NEMP2: variants seen among roughly 807,000 people sequenced by gnomAD.
NEMP2 encodes nuclear envelope integral membrane protein 2.
NEMP2 carries 53 observed loss-of-function variants against 54.2 expected under a neutral mutation model. The ratio of observed to expected loss-of-function variants is 0.98; its 90% confidence interval spans 0.78 to 1.23. The LOEUF (loss-of-function observed/expected upper bound fraction) is 1.23. NEMP2 is among the 50% of genes most tolerant of loss of function. The probability of loss-of-function intolerance (pLI) is 0.00; values close to 1 mark genes in which losing one functional copy is unlikely to be tolerated. For missense variants in NEMP2, 455 were observed against 511.3 expected (o/e 0.89, Z 1.06); for synonymous variants, 197 against 190.3 (o/e 1.04, Z -0.29).
chr2:190,542,098 G>T, the NEMP2 span, among the ~76,000 whole-genome samples: 4 of 152,118 alleles, frequency 2.6e-5, no homozygotes, highest in Admixed American at 6.5e-5. This position sits in a 1 kb window ranked among gnomAD's most constrained non-coding sequence, Gnocchi z 4.6. Context: ...TGACCTTCCT[G>T]TACCTGGATA....
the NEMP2 span, chr2:190,624,878 T>G: frequency 2.8e-4 from 43 of 152,278 alleles, no homozygotes; most frequent in African/African-American, 9.6e-4. Context: ...TATTAGTTAT[T>G]AGGGTAATGC....
In NEMP2 at chr2:190,522,981, C is replaced by T. The variant is rs1690802359; in HGVS notation, c.213+2282G>A. On this transcript the variant is annotated intron_variant, in intron 2 of 8. Coordinates refer to ENST00000409150, the MANE Select transcript of NEMP2 (RefSeq NM_001142645.2). This position sits in a 1 kb window ranked among gnomAD's most constrained non-coding sequence, Gnocchi z 5.0. ...TAAAACCAAGCTGTGCCCTGACCACCTTGGGCACATGTTCTCAGAATCTGA... is the reference window on the plus strand; with the variant it reads ...TAAAACCAAGCTGTGCCCTGACCACTTTGGGCACATGTTCTCAGAATCTGA... Among the ~76,000 whole-genome samples, 1 of 152,164 alleles carries T rather than the reference C, an allele frequency of 6.6e-6. No individual in the cohort carries two copies. Among genetic ancestry groups the T allele is most frequent in the Non-Finnish European group, 1.5e-5 (1 of 68,042 alleles).
chr2:190,488,559 C>A, the NEMP2 span: 1 of 1,134,474 alleles, frequency 8.8e-7, no homozygotes. This position sits in a 1 kb window ranked among gnomAD's most constrained non-coding sequence, Gnocchi z 6.4. Flanking sequence ...CACAACAAAT[C>A]TTAAAAATAG....
chr2:190,548,568 G>A, the NEMP2 span, among the ~76,000 whole-genome samples: 4 of 152,028 alleles, frequency 2.6e-5, no homozygotes, highest in African/African-American at 9.7e-5. Context: ...TCTACTTTTT[G>A]CTGTATATAG....
At chr2:190,518,006 G>A (rs1374999670) in intron 4 of NEMP2, among the ~76,000 whole-genome samples, 1 of 152,128 alleles carries the variant, frequency 6.6e-6, no homozygotes, top group Non-Finnish European at 1.5e-5. Context: ...TCAGAGTCCA[G>A]GCTTTATTCT....
At chr2:190,621,120 GTCA>G in the NEMP2 span, among the ~76,000 whole-genome samples, 1 of 152,172 alleles carries the variant, frequency 6.6e-6, no homozygotes, top group Non-Finnish European at 1.5e-5. Context: ...TCTACATATA[GTCA>G]TAAGTTGTTT....
the NEMP2 span, among the ~76,000 whole-genome samples, chr2:190,440,450 A>G: frequency 2.6e-5 from 4 of 152,254 alleles, no homozygotes; most frequent in Non-Finnish European, 5.9e-5. Context: ...ATCCAAAATC[A>G]TAAGACTTTG....
the NEMP2 span, among the ~76,000 whole-genome samples, chr2:190,624,273 G>A: frequency 1.3e-5 from 2 of 152,258 alleles, no homozygotes; most frequent in Admixed American, 1.3e-4. Flanking sequence ...TAATTAAAAT[G>A]GCTTTTATCA....
the NEMP2 span, among the ~76,000 whole-genome samples, chr2:190,576,298 C>T: frequency 3.9e-5 from 6 of 152,070 alleles, no homozygotes; most frequent in Admixed American, 2.6e-4. Context: ...TGTTTATTGC[C>T]GTGGAAAATC....
At chr2:190,448,384 C>T in the NEMP2 span, among the ~76,000 whole-genome samples, 2 of 152,128 alleles carry the variant, frequency 1.3e-5, no homozygotes, top group Non-Finnish European at 2.9e-5. Context: ...TTGTGGCTTT[C>T]TTACAGTGAA....
At chr2:190,430,987 A>G in the NEMP2 span, among the ~76,000 whole-genome samples, 2 of 143,044 alleles carry the variant, frequency 1.4e-5, no homozygotes, top group African/African-American at 5.3e-5. Flanking sequence ...CACTTCTCAG[A>G]TGGGGCAGCT....
chr2:190,536,536 G>A (rs1300826144), upstream of NEMP2, among the ~76,000 whole-genome samples: 1 of 152,148 alleles, frequency 6.6e-6, no homozygotes, highest in South Asian at 2.1e-4. Context: ...CCACATCTAA[G>A]GTTCAGGTGC....
At chr2:190,469,328 T>C in the NEMP2 span, among the ~76,000 whole-genome samples, 1 of 152,208 alleles carries the variant, frequency 6.6e-6, no homozygotes, top group Non-Finnish European at 1.5e-5. This position sits in a 1 kb window ranked among gnomAD's most constrained non-coding sequence, Gnocchi z 5.3. Flanking sequence ...CTCATTTTTA[T>C]CCTTCCTTCC....
chr2:190,575,570 C>T, the NEMP2 span, among the ~76,000 whole-genome samples: 1 of 152,170 alleles, frequency 6.6e-6, no homozygotes, highest in Non-Finnish European at 1.5e-5. Context: ...TTTGCTCTCA[C>T]ATACAACTCT....
chr2:190,443,312 C>CA, the NEMP2 span, among the ~76,000 whole-genome samples: 47 of 152,176 alleles, frequency 3.1e-4, no homozygotes. This position sits in a 1 kb window ranked among gnomAD's most constrained non-coding sequence, Gnocchi z 4.2. Context: ...GAACTTTTTG[C>CA]ATCTCTGTAT....
chr2:190,622,437 T>C, the NEMP2 span, among the ~76,000 whole-genome samples: 2 of 150,692 alleles, frequency 1.3e-5, no homozygotes, highest in Non-Finnish European at 3.0e-5. Flanking sequence ...AAAAAAAAAT[T>C]AAAGGCTAAG....
the NEMP2 span, among the ~76,000 whole-genome samples, chr2:190,585,635 T>C: frequency 6.6e-6 from 1 of 152,224 alleles, no homozygotes; most frequent in African/African-American, 2.4e-5. This position sits in a 1 kb window ranked among gnomAD's most constrained non-coding sequence, Gnocchi z 5.3. Flanking sequence ...GGCCTCACCA[T>C]AGAGGTCCTA....
At chr2:190,445,519 C>T in the NEMP2 span, among the ~76,000 whole-genome samples, 1 of 149,654 alleles carries the variant, frequency 6.7e-6, no homozygotes, top group African/African-American at 2.4e-5. Flanking sequence ...TCTGACTCTG[C>T]CAGCCTTTCT....
Position 190,514,421 on chromosome 2 carries a change from C to A in NEMP2, c.953+32G>T. The A allele has an allele frequency of 2.0e-6, 3 of 1,529,994 alleles. No individual in the cohort carries two copies. In the South Asian group the frequency reaches 3.6e-5, roughly 18 times the overall value. The allele number at this position is 1,529,994 out of a possible 1,614,324, so 94.8% of individuals were successfully genotyped here. A position where few individuals can be genotyped will look rare whatever the true frequency, so the allele number is the denominator to read the frequency against. On this transcript the variant is annotated intron_variant, in intron 7 of 8. Transcript: ENST00000409150. The surrounding 1 kb of genome is among the most constrained non-coding windows in gnomAD (Gnocchi z 5.7). Reference sequence around the variant, plus strand: ...ATAATAAAACTAGAGCTCAAAATGTCAAATTTGCTGGGGGAAAAAAATGAT... The same window carrying A: ...ATAATAAAACTAGAGCTCAAAATGTAAAATTTGCTGGGGGAAAAAAATGAT...
Sources: gnomAD v4.1 joint callset for allele counts (sites outside exome capture counted in the v4.1 genomes callset) on GRCh38, gnomAD v4.1.1 for gene constraint, Gnocchi (gnomAD v3.1) non-coding constraint, MANE v1.5 for transcripts, NCBI Gene and HGNC (gene_info 2026-07-23, HGNC 2026-07-21) for gene names.